TRIM37: variants seen among roughly 807,000 people sequenced by gnomAD.
The protein encoded by TRIM37 is E3 ubiquitin-protein ligase TRIM37.
Under a neutral mutation model 129.8 loss-of-function variants are expected in TRIM37, and 80 were observed. The observed-to-expected ratio is 0.62, with a 90% CI of 0.51 to 0.74. TRIM37 has a LOEUF of 0.74. Ranked by LOEUF, TRIM37 falls within the 30% of genes least tolerant of loss-of-function variation. The pLI, the probability that TRIM37 is intolerant of heterozygous loss-of-function variation, is 0.00. For missense variants in TRIM37, 1,054 were observed against 1,176.5 expected (o/e 0.90, Z 1.52); for synonymous variants, 389 against 387.1 (o/e 1.00, Z -0.06).
At chr17:59,067,050 ATTTT>A (rs556507883) in intron 9 of TRIM37, among the ~76,000 whole-genome samples, 1 of 151,870 alleles carries the variant, frequency 6.6e-6, no homozygotes, top group African/African-American at 2.4e-5. Context: ...TTATTTATTT[ATTTT>A]TTTGAGACGC....
intron 9 of TRIM37, among the ~76,000 whole-genome samples, chr17:59,070,530 T>C (rs945744401): frequency 6.6e-6 from 1 of 152,138 alleles, no homozygotes; most frequent in African/African-American, 2.4e-5. Context: ...ACTAGATTTG[T>C]ATGTATACAA....
chr17:59,052,925 A>G (rs961396203), intron 13 of TRIM37, among the ~76,000 whole-genome samples: 2 of 152,104 alleles, frequency 1.3e-5, no homozygotes, highest in African/African-American at 4.8e-5. Context: ...ACTGCACTCC[A>G]GCCTGGGCAA....
At chr17:58,990,178 CAAAAAAAAAAAAAA>C (rs35076409) in intron 24 of TRIM37, among the ~76,000 whole-genome samples, 7 of 25,596 alleles carry the variant, frequency 2.7e-4, no homozygotes, top group Admixed American at 1.6e-3. Context: ...GACCTTGTCT[CAAAAAAAAAAAAAA>C]AAAAAAAAAA....
chr17:59,096,748 T>C (rs1231752821), intron 2 of TRIM37, among the ~76,000 whole-genome samples: 3 of 152,140 alleles, frequency 2.0e-5, no homozygotes, highest in African/African-American at 7.2e-5. Flanking sequence ...TTCTTCAGAA[T>C]ATAATCAGAG....
chr17:58,999,785 C>G (rs903569216), intron 23 of TRIM37, among the ~76,000 whole-genome samples: 11 of 152,328 alleles, frequency 7.2e-5, no homozygotes, highest in African/African-American at 2.6e-4. Flanking sequence ...TGTATATTCT[C>G]AAGATTCAAG....
chr17:59,049,989 A>C lies in TRIM37; in HGVS notation c.1315-596T>G, dbSNP rs567342471. Among the ~76,000 whole-genome samples, 9 of 152,350 alleles carry C rather than the reference A, an allele frequency of 5.9e-5. No individual in the cohort carries two copies. The South Asian group carries it at 1.9e-3, about 32-fold the overall frequency. ...AGCACATTTAACATGAAAATCTCTG[A>C]AAGCATGTATTTATTCACATTTTCC... is the stretch of plus-strand genomic sequence containing the variant. On this transcript the variant is annotated intron_variant, in intron 14 of 23. Coordinates refer to ENST00000262294, the MANE Select transcript of TRIM37 (RefSeq NM_015294.6).
intron 9 of TRIM37, among the ~76,000 whole-genome samples, chr17:59,069,927 A>G (rs565995549): frequency 4.6e-5 from 7 of 152,350 alleles, no homozygotes; most frequent in Non-Finnish European, 8.8e-5. Flanking sequence ...CTGAGGCAAA[A>G]AAGTGAATTT....
chr17:59,060,105 T>C (rs1219150630), intron 12 of TRIM37, among the ~76,000 whole-genome samples: 1 of 152,210 alleles, frequency 6.6e-6, no homozygotes, highest in African/African-American at 2.4e-5. Flanking sequence ...TTTTGTCCAA[T>C]GCGCTCTAGC....
rs755123260 is a variant in TRIM37 at position 59,079,734 on chromosome 17, C to G, written c.616+20G>C. On this transcript the variant is annotated intron_variant, in intron 7 of 23. Transcript: ENST00000262294. ...AAGCTGAAAGCACCAGGTACCCCAG[C>G]AGCATACATAAACACTTACCCATCA... is the stretch of plus-strand genomic sequence containing the variant. 1 of 1,613,654 alleles carries G rather than the reference C, an allele frequency of 6.2e-7. No individual in the cohort carries two copies. Among genetic ancestry groups the G allele is most frequent in the South Asian group, 1.1e-5 (1 of 91,068 alleles).
chr17:59,085,553 A>T (rs2043679426), intron 4 of TRIM37, among the ~76,000 whole-genome samples: 1 of 152,218 alleles, frequency 6.6e-6, no homozygotes, highest in Non-Finnish European at 1.5e-5. Flanking sequence ...AGTGTTGGCC[A>T]GGATGTGGAG....
Position 59,015,704 on chromosome 17 carries a change from G to A in TRIM37, c.2482C>T (p.Arg828Trp), listed in dbSNP as rs760669957. Residue 828 changes from arginine to tryptophan, a missense_variant, in exon 21 of 24, where the codon CGG becomes TGG. Transcript: ENST00000262294. Reference protein sequence around the residue: ...IGDILPKTEDRQCKALDSDAV... With the variant: ...IGDILPKTEDWQCKALDSDAV... ...TCTGAATCCAAAGCTTTACACTGCC[G>A]GTCTTCAGTTTTTGGCAGAATATCA... is the stretch of plus-strand genomic sequence containing the variant. The A allele has an allele frequency of 1.6e-5, 26 of 1,613,956 alleles. No individual in the cohort carries two copies. The highest frequency in any genetic ancestry group is 3.3e-5 in the Admixed American group (2 of 59,978).
chr17:59,013,579 T>C (rs2035562460), intron 21 of TRIM37, among the ~76,000 whole-genome samples: 1 of 152,148 alleles, frequency 6.6e-6, no homozygotes, highest in Non-Finnish European at 1.5e-5. Flanking sequence ...AGCATGAATA[T>C]GTGTGGGCAG....
chr17:58,974,425 A>G, the TRIM37 span, among the ~76,000 whole-genome samples: 1 of 152,290 alleles, frequency 6.6e-6, no homozygotes, highest in South Asian at 2.1e-4. Flanking sequence ...AAAAGAAGGG[A>G]AAGTCAATGA....
At position 59,015,616 on chromosome 17, in the gene TRIM37, G is replaced by T; in HGVS notation, c.2570C>A (p.Thr857Asn). The T allele has an allele frequency of 6.2e-7, 1 of 1,613,902 alleles. No individual in the cohort carries two copies. Among genetic ancestry groups the T allele is most frequent in the Non-Finnish European group, 8.5e-7 (1 of 1,179,982 alleles). The change falls in exon 21 of 24, where the codon ACC (threonine) becomes AAC (asparagine). Residue 857 changes from threonine to asparagine, a missense_variant. By Grantham distance (65) the Thr-to-Asn change is moderately conservative. Transcript: ENST00000262294. ...PAVEKRRKMV[T>N]LGANAKGGHL... ...ACAAAACAACTTAATTTACCCCAAG[G>T]TGACCATTTTCCTCCTTTTCTCAAC...
chr17:58,998,452 C>A lies in TRIM37; in HGVS notation c.*925G>T, dbSNP rs764131923. The stretch of plus-strand genomic sequence containing the variant: ...AAACACAAATGCAGGAGCACAATGG[C>A]AAAGTTTGGCAACTGTTTTGGGCTA... On this transcript the variant is annotated 3_prime_UTR_variant, in exon 24 of 24. Coordinates refer to ENST00000262294, the MANE Select transcript of TRIM37 (RefSeq NM_015294.6). The A allele has an allele frequency of 8.1e-5, 80 of 985,302 alleles. No homozygotes were observed. The highest frequency in any genetic ancestry group is 8.9e-5 in the Non-Finnish European group (74 of 829,930). The allele number at this position is 985,302 out of a possible 1,614,324, so 61.0% of individuals were successfully genotyped here.
chr17:59,042,390 AT>A (rs1364879291), intron 16 of TRIM37, among the ~76,000 whole-genome samples: 1 of 140,324 alleles, frequency 7.1e-6, no homozygotes, highest in African/African-American at 2.7e-5. Flanking sequence ...AAAAAAAAAA[AT>A]CAGCCAGTTC....
At chr17:59,081,883 G>A (rs187591071) in intron 5 of TRIM37, among the ~76,000 whole-genome samples, 2 of 147,642 alleles carry the variant, frequency 1.4e-5, no homozygotes, top group South Asian at 2.2e-4. Flanking sequence ...CTCCAGCCTG[G>A]GTGACAGAGA....
At chr17:59,015,053 G>A (rs2035741109) in intron 21 of TRIM37, among the ~76,000 whole-genome samples, 1 of 150,044 alleles carries the variant, frequency 6.7e-6, no homozygotes, top group Non-Finnish European at 1.5e-5. Context: ...CTCCAGCCTG[G>A]GCAACAGAGC....
chr17:59,064,418 A>G lies in TRIM37; in HGVS notation c.810-13T>C. ...TGGCACTAATTCACTAAAAAAAAAA[A>G]GGCAAAAAAAATTATTTAGCTTACA... On this transcript the variant is annotated splice_polypyrimidine_tract_variant and intron_variant, in intron 9 of 23. Coordinates refer to ENST00000262294, the MANE Select transcript of TRIM37 (RefSeq NM_015294.6). The G allele has an allele frequency of 1.3e-6, 2 of 1,553,170 alleles. No homozygotes were observed. The highest frequency in any genetic ancestry group is 1.8e-6 in the Non-Finnish European group (2 of 1,139,852).
Sources: gnomAD v4.1 joint callset for allele counts (sites outside exome capture counted in the v4.1 genomes callset) on GRCh38, gnomAD v4.1.1 for gene constraint, MANE v1.5 for transcripts, NCBI Gene and HGNC (gene_info 2026-07-23, HGNC 2026-07-21) for gene names.